Variants in STXBP5 observed in about 807,000 individuals in gnomAD.
The protein encoded by STXBP5 is syntaxin binding protein 5.
In STXBP5, 50 loss-of-function variants were observed where a neutral mutation model predicts 152.4. That is an observed-to-expected ratio of 0.33 (90% CI 0.26 to 0.42). The LOEUF is 0.42. STXBP5 is among the 10% of genes least tolerant of loss of function. STXBP5 has a pLI of 1.00. For synonymous variants in STXBP5, 492 were observed against 494.7 expected, an observed-to-expected ratio of 0.99 and a Z score of 0.07; for missense variants, 1,167 against 1,388.6, an observed-to-expected ratio of 0.84 and a Z score of 2.54.
intron 7 of STXBP5, among the ~76,000 whole-genome samples, chr6:147,272,825 C>T (rs888481215): frequency 1.1e-4 from 17 of 152,090 alleles, no homozygotes; most frequent in African/African-American, 4.1e-4. Context: ...GTAATGGGAA[C>T]AGAAATGTAT....
rs866408464 is a variant in STXBP5, at chr6:147,233,514, C to T, written c.249-1736C>T. Among the ~76,000 whole-genome samples, 4 of 151,674 alleles carry T rather than the reference C, an allele frequency of 2.6e-5. No individual in the cohort carries two copies. In the South Asian group the frequency reaches 8.3e-4, roughly 31 times the overall value. ...ATTTTTATGATTTTCTACAGTAACT[C>T]ACTTAAAAAAATCAACTTATTCATT... is the stretch of plus-strand genomic sequence containing the variant. On this transcript the variant is annotated intron_variant, in intron 2 of 27. Coordinates refer to ENST00000321680, the MANE Select transcript of STXBP5 (RefSeq NM_001127715.4).
intron 8 of STXBP5, among the ~76,000 whole-genome samples, chr6:147,284,394 A>G (rs943419191): frequency 2.6e-5 from 4 of 152,220 alleles, no homozygotes; most frequent in African/African-American, 9.7e-5. Context: ...TTGAATAAAC[A>G]TTGAGCACCT....
At chr6:147,366,723 C>T (rs1785306605) in intron 25 of STXBP5, among the ~76,000 whole-genome samples, 1 of 152,228 alleles carries the variant, frequency 6.6e-6, no homozygotes, top group Admixed American at 6.5e-5. Flanking sequence ...TCTGCATAGA[C>T]TCCTTTTCCT....
chr6:147,369,639 A>C (rs1785452262), intron 25 of STXBP5, among the ~76,000 whole-genome samples: 4 of 151,994 alleles, frequency 2.6e-5, no homozygotes, highest in Non-Finnish European at 5.9e-5. Context: ...ACCCAATAAA[A>C]ACATAGACAA....
At chr6:147,235,605 A>G (rs1264597619) in intron 3 of STXBP5, among the ~76,000 whole-genome samples, 1 of 152,140 alleles carries the variant, frequency 6.6e-6, no homozygotes, top group Non-Finnish European at 1.5e-5. Flanking sequence ...GGGATATTGA[A>G]TACTGTGTAA....
chr6:147,330,600 G>T (rs1783519864), intron 18 of STXBP5, among the ~76,000 whole-genome samples: 1 of 152,124 alleles, frequency 6.6e-6, no homozygotes, highest in Non-Finnish European at 1.5e-5. Context: ...ATAGAAAATA[G>T]AAATGATCAA....
chr6:147,209,139 A>C (rs908937950), intron 2 of STXBP5, among the ~76,000 whole-genome samples: 1 of 152,122 alleles, frequency 6.6e-6, no homozygotes, highest in African/African-American at 2.4e-5. Context: ...TTCTAAACAC[A>C]ATGAGGTCAT....
chr6:147,305,775 GGAGTA>G (rs1353917261), intron 9 of STXBP5, among the ~76,000 whole-genome samples: 1 of 152,108 alleles, frequency 6.6e-6, no homozygotes, highest in African/African-American at 2.4e-5. Context: ...CTAAGCACTA[GGAGTA>G]GAGTGGTAAA....
intron 10 of STXBP5, among the ~76,000 whole-genome samples, 182 bp downstream of exon 10, chr6:147,310,420 TGAA>T (rs1156660450): frequency 1.3e-5 from 2 of 152,184 alleles, no homozygotes; most frequent in Non-Finnish European, 2.9e-5. Context: ...TAATCTGTTT[TGAA>T]GAATAAAAAA....
At chr6:147,340,488 G>A (rs1200028216) in intron 21 of STXBP5, among the ~76,000 whole-genome samples, 1 of 151,900 alleles carries the variant, frequency 6.6e-6, no homozygotes, top group African/African-American at 2.4e-5. Context: ...CTGTAATTAT[G>A]TACTAGCACT....
intron 14 of STXBP5, 26 bp downstream of exon 14, chr6:147,314,662 T>G: frequency 6.4e-7 from 1 of 1,556,898 alleles, no homozygotes; most frequent in Non-Finnish European, 8.8e-7. Context: ...ATTCATTATT[T>G]GTTATATGTT....
intron 7 of STXBP5, among the ~76,000 whole-genome samples, chr6:147,273,943 C>A (rs1231861376): frequency 1.1e-4 from 16 of 148,368 alleles, no homozygotes; most frequent in African/African-American, 4.0e-4. Context: ...CAGAGCGAGA[C>A]TCTGGCAAAA....
intron 8 of STXBP5, among the ~76,000 whole-genome samples, chr6:147,288,061 G>T (rs1374917540): frequency 6.6e-6 from 1 of 151,904 alleles, no homozygotes; most frequent in Non-Finnish European, 1.5e-5. Context: ...CTTTTAGACC[G>T]CCATGAATGT....
At chr6:147,276,841 A>G (rs999662664) in intron 7 of STXBP5, among the ~76,000 whole-genome samples, 2 of 152,116 alleles carry the variant, frequency 1.3e-5, no homozygotes, top group Non-Finnish European at 2.9e-5. Flanking sequence ...TGACTTTACA[A>G]TTGGTTTACC....
At chr6:147,296,327 C>G (rs1364079725) in intron 9 of STXBP5, among the ~76,000 whole-genome samples, 1 of 152,166 alleles carries the variant, frequency 6.6e-6, no homozygotes, top group Non-Finnish European at 1.5e-5. Context: ...ACTCCTCTTG[C>G]CACAGACGTC....
chr6:147,272,576 T>C (rs1398603941), intron 7 of STXBP5, among the ~76,000 whole-genome samples: 9 of 152,172 alleles, frequency 5.9e-5, no homozygotes, highest in Admixed American at 5.9e-4. Flanking sequence ...TAGGCATAAT[T>C]CTTCCTCACT....
intron 2 of STXBP5, among the ~76,000 whole-genome samples, chr6:147,213,432 ATATGTG>A (rs137912244): frequency 0.1 from 12,055 of 120,490 alleles, 568 homozygotes; most frequent in East Asian, 0.22. Context: ...ATAATTTTAT[ATATGTG>A]TGTGTGTGTG....
intron 18 of STXBP5, among the ~76,000 whole-genome samples, chr6:147,333,882 A>G (rs1401585204): frequency 6.6e-6 from 1 of 152,204 alleles, no homozygotes; most frequent in Non-Finnish European, 1.5e-5. Context: ...TTATAACGTC[A>G]ATCACCAGGC....
intron 22 of STXBP5, among the ~76,000 whole-genome samples, chr6:147,355,637 T>C (rs1784783210): frequency 6.6e-6 from 1 of 152,176 alleles, no homozygotes; most frequent in Non-Finnish European, 1.5e-5. Flanking sequence ...CTCTACCACA[T>C]ACTAGCTTGG....
Sources: allele counts gnomAD v4.1 joint callset (sites outside exome capture counted in the v4.1 genomes callset), GRCh38; gene constraint gnomAD v4.1.1; transcripts MANE v1.5; gene names NCBI Gene and HGNC (gene_info 2026-07-23, HGNC 2026-07-21).